The following SAMSN1 variants were observed in gnomAD, a reference collection of about 807,000 sequenced individuals.
SAMSN1 encodes the protein SAM domain-containing protein SAMSN-1.
SAMSN1 carries 31 observed loss-of-function variants against 42.0 expected under a neutral mutation model. The observed-to-expected ratio is 0.74, with a 90% CI of 0.55 to 1.00. SAMSN1 has a LOEUF of 1.00. Ranked by LOEUF, SAMSN1 falls within the 50% of genes least tolerant of loss-of-function variation. SAMSN1 has a pLI of 0.00. For synonymous variants in SAMSN1, 178 were observed against 151.9 expected, an observed-to-expected ratio of 1.17 and a Z score of -1.26; for missense variants, 464 against 439.4, an observed-to-expected ratio of 1.06 and a Z score of -0.50.
intron 1 of SAMSN1, among the ~76,000 whole-genome samples, chr21:14,652,389 A>C (rs879580203): frequency 2.6e-4 from 40 of 152,116 alleles, no homozygotes; most frequent in Admixed American, 2.6e-3. Context: ...AAATCAGCAC[A>C]CTTACAGTGA....
At chr21:14,580,929 C>G (rs879819182) in intron 2 of SAMSN1, among the ~76,000 whole-genome samples, 3 of 151,914 alleles carry the variant, frequency 2.0e-5, no homozygotes. Flanking sequence ...TAAAACATGC[C>G]TTGAGCAATT....
At chr21:14,587,902 C>T (rs1665512277), upstream of SAMSN1, among the ~76,000 whole-genome samples, 1 of 109,288 alleles carries the variant, frequency 9.2e-6, no homozygotes, top group South Asian at 4.0e-4. Context: ...CCCCCTCCCC[C>T]CACCCCGCAA....
chr21:14,544,078 C>G (rs1980224481), intron 1 of SAMSN1, among the ~76,000 whole-genome samples: 1 of 152,162 alleles, frequency 6.6e-6, no homozygotes, highest in South Asian at 2.1e-4. Flanking sequence ...GAGAAAGGGT[C>G]TTGCTCTGTT....
chr21:14,539,231 A>G (rs1275562249), intron 1 of SAMSN1, among the ~76,000 whole-genome samples: 2 of 152,228 alleles, frequency 1.3e-5, no homozygotes, highest in Non-Finnish European at 2.9e-5. Flanking sequence ...CAAAGAAACA[A>G]TAAGACAGGG....
At chr21:14,522,362 G>T (rs562252783) in intron 1 of SAMSN1, among the ~76,000 whole-genome samples, 29 of 152,082 alleles carry the variant, frequency 1.9e-4, no homozygotes, top group Non-Finnish European at 4.0e-4. Flanking sequence ...ATCTGATGTT[G>T]GGTTCTTTGT....
At chr21:14,627,908 G>A (rs1399900468) in intron 2 of SAMSN1, among the ~76,000 whole-genome samples, 2 of 152,122 alleles carry the variant, frequency 1.3e-5, no homozygotes, top group African/African-American at 2.4e-5. Context: ...TACAGAAAAG[G>A]GGTTTGTGTT....
intron 2 of SAMSN1, among the ~76,000 whole-genome samples, chr21:14,567,049 T>C (rs1981144252): frequency 6.6e-6 from 1 of 152,144 alleles, no homozygotes; most frequent in Non-Finnish European, 1.5e-5. Flanking sequence ...GAGATGACTT[T>C]TGCTCCTCAA....
chr21:14,550,525 A>G (rs1019473350), upstream of SAMSN1, among the ~76,000 whole-genome samples: 1 of 152,116 alleles, frequency 6.6e-6, no homozygotes, highest in Non-Finnish European at 1.5e-5. Flanking sequence ...GAAATCAAGC[A>G]TATCTATCAC....
intron 2 of SAMSN1, among the ~76,000 whole-genome samples, chr21:14,623,876 G>C (rs1172970500): frequency 1.3e-5 from 2 of 152,266 alleles, no homozygotes; most frequent in Non-Finnish European, 2.9e-5. Flanking sequence ...ATAGTTAGAA[G>C]TAAAGCACTC....
Position 14,485,865 on chromosome 21 carries a change from G to A in SAMSN1, c.*47C>T. The A allele has an allele frequency of 7.0e-7, 1 of 1,427,886 alleles. No individual in the cohort carries two copies. The highest frequency in any genetic ancestry group is 9.9e-7 in the Non-Finnish European group (1 of 1,013,444). The allele number at this position is 1,427,886 out of a possible 1,614,324, so 88.5% of individuals were successfully genotyped here. A position where few individuals can be genotyped will look rare whatever the true frequency, so the allele number is the denominator to read the frequency against. On this transcript the variant is annotated 3_prime_UTR_variant, in exon 8 of 8. Coordinates refer to ENST00000400566, the MANE Select transcript of SAMSN1 (RefSeq NM_022136.5). ...CCTATTTGACGTTTTAGCTCAAGAA[G>A]AGTTAAAATGGAATGCATCTGTAGA...
chr21:14,646,070 T>C (rs531433756), intron 1 of SAMSN1, among the ~76,000 whole-genome samples: 17 of 152,282 alleles, frequency 1.1e-4, no homozygotes, highest in African/African-American at 3.4e-4. Flanking sequence ...AAAGAGGACG[T>C]AGATAAAGAG....
intron 2 of SAMSN1, 98 bp downstream of exon 2, chr21:14,521,051 AT>A: frequency 1.4e-6 from 1 of 738,016 alleles, no homozygotes; most frequent in South Asian, 1.8e-5. Context: ...TTTAAAATGT[AT>A]TCATTTTTCT....
At chr21:14,635,205 A>G (rs1983436223) in intron 2 of SAMSN1, among the ~76,000 whole-genome samples, 1 of 152,200 alleles carries the variant, frequency 6.6e-6, no homozygotes, top group Non-Finnish European at 1.5e-5. Context: ...GGGGAGGGAT[A>G]GCATTAGGAC....
intron 3 of SAMSN1, among the ~76,000 whole-genome samples, chr21:14,515,139 T>C (rs967014589): frequency 6.6e-6 from 1 of 151,620 alleles, no homozygotes; most frequent in Non-Finnish European, 1.5e-5. Context: ...AGTTGAAAAG[T>C]AGTAAGGAGA....
At chr21:14,641,254 C>T (rs1364078046) in intron 2 of SAMSN1, among the ~76,000 whole-genome samples, 1 of 152,132 alleles carries the variant, frequency 6.6e-6, no homozygotes, top group African/African-American at 2.4e-5. Context: ...GTTTCCACTG[C>T]ATTGAAAAAT....
chr21:14,652,996 C>T (rs1477047346), intron 1 of SAMSN1, among the ~76,000 whole-genome samples: 1 of 152,004 alleles, frequency 6.6e-6, no homozygotes, highest in Non-Finnish European at 1.5e-5. Context: ...TGTTATCTCA[C>T]CATAGTTAAA....
intron 2 of SAMSN1, among the ~76,000 whole-genome samples, chr21:14,631,705 C>T (rs558715829): frequency 1.3e-5 from 2 of 152,140 alleles, no homozygotes; most frequent in African/African-American, 4.8e-5. Flanking sequence ...CTTCCTCCCC[C>T]CAATTTTGTG....
intron 2 of SAMSN1, among the ~76,000 whole-genome samples, chr21:14,640,870 TACAGAGAAAG>T (rs1231298832): frequency 2.0e-5 from 3 of 152,092 alleles, no homozygotes; most frequent in Non-Finnish European, 4.4e-5. Flanking sequence ...GCTGAGAAAT[TACAGAGAAAG>T]ACAGAGCTAT....
intron 1 of SAMSN1, chr21:14,583,200 A>G (rs1453431398): frequency 6.5e-6 from 1 of 154,146 alleles, no homozygotes; most frequent in Middle Eastern, 3.4e-3. Context: ...CAATTGCTCT[A>G]TGTCATGGAA....
Sources: gnomAD v4.1 joint callset for allele counts (sites outside exome capture counted in the v4.1 genomes callset) on GRCh38, gnomAD v4.1.1 for gene constraint, MANE v1.5 for transcripts, NCBI Gene and HGNC (gene_info 2026-07-23, HGNC 2026-07-21) for gene names.